The following ABLIM1 variants were observed in gnomAD, a reference collection of about 807,000 sequenced individuals.
The protein encoded by ABLIM1 is actin-binding LIM protein 1.
ABLIM1 carries 40 observed loss-of-function variants against 107.0 expected under a neutral mutation model. The ratio of observed to expected loss-of-function variants is 0.37; its 90% CI spans 0.29 to 0.49. ABLIM1 has a LOEUF of 0.49. ABLIM1 is among the 20% of genes least tolerant of loss of function. ABLIM1 has a pLI of 0.97. For synonymous variants in ABLIM1, 357 were observed against 357.3 expected, an observed-to-expected ratio of 1.00 and a Z score of 0.01; for missense variants, 857 against 1,008.5, an observed-to-expected ratio of 0.85 and a Z score of 2.04.
intron 7 of ABLIM1, among the ~76,000 whole-genome samples, chr10:114,491,010 G>GTGTGTGTATA (rs1555092147): frequency 2.2e-5 from 2 of 89,196 alleles, no homozygotes. Context: ...GTGTGTGTGT[G>GTGTGTGTATA]TGTATATATA....
At chr10:114,654,140 C>A (rs1176138043) in intron 1 of ABLIM1, among the ~76,000 whole-genome samples, 1 of 152,240 alleles carries the variant, frequency 6.6e-6, no homozygotes, top group African/African-American at 2.4e-5. Flanking sequence ...CAGGAGGGCG[C>A]ACTTCCTCCA....
At chr10:114,506,326 A>C (rs1565680835) in intron 6 of ABLIM1, among the ~76,000 whole-genome samples, 1 of 152,314 alleles carries the variant, frequency 6.6e-6, no homozygotes, top group South Asian at 2.1e-4. Context: ...AGAACATACA[A>C]GTGCATGTGT....
At chr10:114,480,759 G>T (rs1419249197) in intron 8 of ABLIM1, among the ~76,000 whole-genome samples, 1 of 152,184 alleles carries the variant, frequency 6.6e-6, no homozygotes, top group Non-Finnish European at 1.5e-5. Context: ...AGTCTGTCAT[G>T]ATGAAGGGGT....
At chr10:114,601,722 C>A (rs181791020) in intron 2 of ABLIM1, 105 bp downstream of exon 2, 1 of 1,554,586 alleles carries the variant, frequency 6.4e-7, no homozygotes, top group East Asian at 2.2e-5. Context: ...TGAGAGCATT[C>A]GCTTATCATC....
chr10:114,787,420 C>T, the ABLIM1 span, among the ~76,000 whole-genome samples: 39 of 148,698 alleles, frequency 2.6e-4, 1 homozygote, highest in South Asian at 6.5e-3. Flanking sequence ...GTCAGCCCCC[C>T]GCCCGGCCAG....
chr10:114,779,562 G>A, the ABLIM1 span: 1 of 152,154 alleles, frequency 6.6e-6, no homozygotes, highest in East Asian at 1.9e-4. Context: ...TATACATTAT[G>A]TGTGTGTACA....
intron 6 of ABLIM1, among the ~76,000 whole-genome samples, chr10:114,514,828 G>A (rs906308505): frequency 1.8e-4 from 27 of 152,268 alleles, no homozygotes; most frequent in African/African-American, 5.8e-4. Context: ...ATTCTTTTTG[G>A]AAGTTTAAAA....
At chr10:114,663,871 A>G (rs77054062) in intron 1 of ABLIM1, among the ~76,000 whole-genome samples, 4,172 of 152,306 alleles carry the variant, frequency 0.027, 181 homozygotes, top group African/African-American at 0.088. Flanking sequence ...TGGAGCAGGT[A>G]CACGGTGCCT....
chr10:114,551,570 G>A (rs1357595864), intron 4 of ABLIM1, among the ~76,000 whole-genome samples: 3 of 152,268 alleles, frequency 2.0e-5, no homozygotes, highest in Non-Finnish European at 4.4e-5. Context: ...ATCAGAGGCT[G>A]AAGTGGAAAC....
chr10:114,561,465 TA>T (rs1467055268), intron 4 of ABLIM1, among the ~76,000 whole-genome samples: 1 of 152,312 alleles, frequency 6.6e-6, no homozygotes, highest in East Asian at 1.9e-4. Context: ...TTTAAATAGG[TA>T]AAAACATAGG....
intron 7 of ABLIM1, among the ~76,000 whole-genome samples, chr10:114,488,801 T>C (rs2058534852): frequency 6.6e-6 from 1 of 152,226 alleles, no homozygotes; most frequent in African/African-American, 2.4e-5. Flanking sequence ...TGATTTTGTA[T>C]GACTAGATAC....
At chr10:114,787,705 T>TG in the ABLIM1 span, among the ~76,000 whole-genome samples, 7 of 24,086 alleles carry the variant, frequency 2.9e-4, no homozygotes, top group Admixed American at 9.0e-4. Context: ...GGGAGGGAGG[T>TG]GGGGGGGTCA....
chr10:114,713,360 C>G (rs969730445), intron 1 of ABLIM1, among the ~76,000 whole-genome samples: 4 of 152,160 alleles, frequency 2.6e-5, no homozygotes, highest in African/African-American at 9.7e-5. Context: ...GGAGCTATGT[C>G]CCTAAGAGAC....
chr10:114,519,638 C>T (rs538556483), intron 6 of ABLIM1, among the ~76,000 whole-genome samples: 1 of 152,160 alleles, frequency 6.6e-6, no homozygotes, highest in African/African-American at 2.4e-5. Flanking sequence ...ATTAAAAGGG[C>T]AAAAATCCCT....
At chr10:114,493,758 A>G (rs1418378816) in intron 6 of ABLIM1, among the ~76,000 whole-genome samples, 1 of 152,244 alleles carries the variant, frequency 6.6e-6, no homozygotes, top group East Asian at 1.9e-4. Context: ...TGATGAACAT[A>G]AAAGACCTAA....
chr10:114,730,689 C>T (rs2082054908), intron 1 of ABLIM1, among the ~76,000 whole-genome samples: 1 of 152,080 alleles, frequency 6.6e-6, no homozygotes, highest in African/African-American at 2.4e-5. Flanking sequence ...TATCAACTCA[C>T]CCTTTTAAAG....
At chr10:114,709,583 A>G (rs1033373074) in intron 1 of ABLIM1, among the ~76,000 whole-genome samples, 1 of 152,232 alleles carries the variant, frequency 6.6e-6, no homozygotes, top group African/African-American at 2.4e-5. Flanking sequence ...TTTTATGTAA[A>G]CCAGCTACCA....
At chr10:114,491,012 G>GTGTGTATATATATATA in intron 7 of ABLIM1, among the ~76,000 whole-genome samples, 1,418 of 92,224 alleles carry the variant, frequency 0.015, 25 homozygotes, top group African/African-American at 0.017. Context: ...GTGTGTGTGT[G>GTGTGTATATATATATA]TATATATATA....
chr10:114,557,854 A>G (rs978574999), intron 4 of ABLIM1, among the ~76,000 whole-genome samples: 5 of 141,110 alleles, frequency 3.5e-5, no homozygotes, highest in Non-Finnish European at 6.2e-5. Context: ...AAAAAAAAAA[A>G]TCAAAGAATT....
Sources: allele counts gnomAD v4.1 joint callset (sites outside exome capture counted in the v4.1 genomes callset), GRCh38; gene constraint gnomAD v4.1.1; transcripts MANE v1.5; gene names NCBI Gene and HGNC (gene_info 2026-07-23, HGNC 2026-07-21).